DPP6: variants seen among roughly 807,000 people sequenced by gnomAD.
DPP6 encodes dipeptidyl peptidase like 6.
Under a neutral mutation model 122.6 loss-of-function variants are expected in DPP6, and 69 were observed. The ratio of observed to expected loss-of-function variants is 0.56; its 90% confidence interval spans 0.46 to 0.69. DPP6 has a LOEUF of 0.69. Among genes scored for constraint, DPP6 ranks in the 30% least tolerant of loss-of-function variants. DPP6 has a pLI of 0.00. For synonymous variants in DPP6, 418 were observed against 433.1 expected (o/e 0.97, Z 0.43); for missense variants, 928 against 1,116.9 (o/e 0.83, Z 2.41).
chr7:154,660,569 C>T (rs1324980644), intron 6 of DPP6, among the ~76,000 whole-genome samples: 2 of 139,046 alleles, frequency 1.4e-5, no homozygotes, highest in South Asian at 2.3e-4. Flanking sequence ...ATCACCATGG[C>T]GTATCGGCCG....
chr7:154,398,294 AT>A (rs1474897811), intron 1 of DPP6, among the ~76,000 whole-genome samples: 1 of 152,218 alleles, frequency 6.6e-6, no homozygotes, highest in Non-Finnish European at 1.5e-5. Flanking sequence ...AATTTAAATA[AT>A]TGCCTAAGAT....
At chr7:154,067,879 C>T (rs1365655893) in intron 1 of DPP6, among the ~76,000 whole-genome samples, 1 of 151,528 alleles carries the variant, frequency 6.6e-6, no homozygotes, top group Non-Finnish European at 1.5e-5. Context: ...CAAGTGCATG[C>T]CACCACACCC....
the DPP6 span, among the ~76,000 whole-genome samples, chr7:153,795,503 A>C: frequency 2.0e-5 from 3 of 152,140 alleles, no homozygotes; most frequent in African/African-American, 7.2e-5. Context: ...TTCTCTGCTT[A>C]GTTTGGTTAG....
At position 154,592,623 on chromosome 7, in the gene DPP6, C is replaced by T. The variant is rs558242002; in HGVS notation, c.627+25707C>T. ...GCAAAGGGGAGTGTCTGGGGGAGGA[C>T]GGCAGGGACGGCAGGGACGGCATGG... On this transcript the variant is annotated intron_variant, in intron 5 of 25. Transcript: ENST00000377770. Among the ~76,000 whole-genome samples, 543 of 112,102 alleles carry T rather than the reference C, an allele frequency of 4.8e-3. 3 individuals carry two copies. The highest frequency in any genetic ancestry group is 7.7e-3 in the Non-Finnish European group (424 of 55,310). 73.5% of individuals were successfully genotyped at this position (112,102 alleles called of 152,430 possible). A position where few individuals can be genotyped will look rare whatever the true frequency, so the allele number is the denominator to read the frequency against.
chr7:154,808,063 T>C lies in DPP6; in HGVS notation c.1666+951T>C, dbSNP rs1245917298. Among the ~76,000 whole-genome samples, 3 of 152,106 alleles carry C rather than the reference T, an allele frequency of 2.0e-5. No homozygotes were observed. In the East Asian group the frequency reaches 5.8e-4, roughly 29 times the overall value. ...GAAAGGTAAGTCATCCTAAATATGG[T>C]CGTAACAAAATATGATCTCCTGCGA... is the stretch of plus-strand genomic sequence containing the variant. On this transcript the variant is annotated intron_variant, in intron 16 of 25. Coordinates refer to ENST00000377770, the MANE Select transcript of DPP6 (RefSeq NM_130797.4).
intron 3 of DPP6, among the ~76,000 whole-genome samples, chr7:154,506,012 TTTA>T (rs1825636366): frequency 6.6e-6 from 1 of 151,992 alleles, no homozygotes; most frequent in Non-Finnish European, 1.5e-5. Context: ...AAATTATGTA[TTTA>T]TTATTTATTT....
chr7:154,273,423 A>G (rs1803923335), intron 1 of DPP6, among the ~76,000 whole-genome samples: 1 of 152,232 alleles, frequency 6.6e-6, no homozygotes, highest in South Asian at 2.1e-4. Context: ...TCTGTGCAAC[A>G]AGACACGCTT....
chr7:154,325,928 A>G (rs1010122123), intron 1 of DPP6, among the ~76,000 whole-genome samples: 3 of 152,222 alleles, frequency 2.0e-5, no homozygotes, highest in East Asian at 1.9e-4. Flanking sequence ...TATAAGAGGC[A>G]TGCATCATTT....
intron 5 of DPP6, among the ~76,000 whole-genome samples, chr7:154,631,492 G>C (rs192702192): frequency 6.6e-4 from 100 of 152,206 alleles, no homozygotes; most frequent in African/African-American, 2.3e-3. Flanking sequence ...GACTTTGCTT[G>C]TGAAGGGCCA....
chr7:154,802,664 G>T (rs991779272), intron 13 of DPP6, among the ~76,000 whole-genome samples: 4 of 152,082 alleles, frequency 2.6e-5, no homozygotes, highest in South Asian at 4.1e-4. Context: ...TTCAAGACCA[G>T]TGGCCAACAT....
rs868846650 is a variant in DPP6, at chr7:154,359,756, T to C, written c.244-86458T>C. 2.6e-5 allele frequency among the ~76,000 whole-genome samples: 4 copies of C among 152,306 alleles called. No individual in the cohort carries two copies. The South Asian group carries it at 6.2e-4, about 24-fold the overall frequency. On this transcript the variant is annotated intron_variant, in intron 1 of 25. Coordinates refer to ENST00000377770, the MANE Select transcript of DPP6 (RefSeq NM_130797.4). ...TGGGTGAGCATGGAACTCTATGTGA[T>C]CAAGTGTAAAAGGCACTTTCCCAAA...
At chr7:154,223,068 A>G (rs982793503) in intron 1 of DPP6, among the ~76,000 whole-genome samples, 1 of 149,280 alleles carries the variant, frequency 6.7e-6, no homozygotes, top group Non-Finnish European at 1.5e-5. Context: ...AGACTGCTAC[A>G]GGTGAGAGAG....
At chr7:154,627,180 T>C (rs1202778965) in intron 5 of DPP6, among the ~76,000 whole-genome samples, 1 of 124,994 alleles carries the variant, frequency 8.0e-6, no homozygotes, top group Non-Finnish European at 1.6e-5. Context: ...GCCTGGCTAA[T>C]TTTTTTTCCT....
chr7:154,457,771 A>G (rs1586330576), intron 2 of DPP6, among the ~76,000 whole-genome samples: 1 of 18,638 alleles, frequency 5.4e-5, no homozygotes, highest in African/African-American at 1.7e-4. Context: ...GAATTGAACA[A>G]TGAGATCACA....
chr7:154,856,342 G>T (rs1022949280), intron 17 of DPP6, among the ~76,000 whole-genome samples: 1 of 152,176 alleles, frequency 6.6e-6, no homozygotes, highest in Non-Finnish European at 1.5e-5. Flanking sequence ...ATCAGTCCTT[G>T]GGGCTCCTAA....
intron 1 of DPP6, among the ~76,000 whole-genome samples, chr7:154,398,980 A>G (rs553995551): frequency 6.4e-4 from 97 of 152,322 alleles, no homozygotes; most frequent in African/African-American, 5.8e-4. Context: ...ACTCTTTCCA[A>G]TGACGCCTTT....
Position 154,684,364 on chromosome 7 carries a change from G to A in DPP6, c.762+14923G>A, listed in dbSNP as rs75108061. 6.8e-3 allele frequency among the ~76,000 whole-genome samples: 1,034 copies of A among 152,224 alleles called. 10 individuals carry two copies. Among genetic ancestry groups the A allele is most frequent in the African/African-American group, 0.017 (709 of 41,522 alleles). On this transcript the variant is annotated intron_variant, in intron 7 of 25. Coordinates refer to ENST00000377770, the MANE Select transcript of DPP6 (RefSeq NM_130797.4). ...AGCTCCTTAGGAACAAGCACCTCTC[G>A]TGTTCACTGCTGTGTCCTCAGCCAC...
intron 1 of DPP6, among the ~76,000 whole-genome samples, chr7:154,429,892 C>T (rs992087113): frequency 6.6e-6 from 1 of 152,188 alleles, no homozygotes; most frequent in Non-Finnish European, 1.5e-5. Context: ...TATTCCAGTC[C>T]TGGCATTTAT....
At chr7:154,284,043 G>A (rs1804692348) in intron 1 of DPP6, among the ~76,000 whole-genome samples, 1 of 152,054 alleles carries the variant, frequency 6.6e-6, no homozygotes, top group African/African-American at 2.4e-5. Context: ...AGATAAGCGT[G>A]GTGAGAATTA....
Sources: gnomAD v4.1 joint callset for allele counts (sites outside exome capture counted in the v4.1 genomes callset) on GRCh38, gnomAD v4.1.1 for gene constraint, MANE v1.5 for transcripts, NCBI Gene and HGNC (gene_info 2026-07-23, HGNC 2026-07-21) for gene names.